EPM2A: variants seen among roughly 807,000 people sequenced by gnomAD.
The protein encoded by EPM2A is laforin.
Under a neutral mutation model 26.5 loss-of-function variants are expected in EPM2A, and 21 were observed. That is an observed-to-expected ratio of 0.79 (90% confidence interval 0.56 to 1.14). The LOEUF is 1.14. Among genes scored for constraint, EPM2A ranks in the 50% most tolerant of loss-of-function variants. The pLI, the probability that EPM2A is intolerant of heterozygous loss-of-function variation, is 0.00. For synonymous variants in EPM2A, 217 were observed against 177.6 expected (o/e 1.22, Z -1.76); for missense variants, 458 against 440.8 (o/e 1.04, Z -0.35).
chr6:145,487,760 T>A (rs775665891), intron 4 of EPM2A, among the ~76,000 whole-genome samples: 9 of 152,200 alleles, frequency 5.9e-5, no homozygotes, highest in South Asian at 2.1e-4. Context: ...TCTCCCATTC[T>A]GTAGGTTGTC....
chr6:145,543,021 A>T (rs1780535613), intron 2 of EPM2A, among the ~76,000 whole-genome samples: 1 of 123,376 alleles, frequency 8.1e-6, no homozygotes, highest in South Asian at 3.2e-4. Context: ...AGCCTCCCAA[A>T]GTGCTGGGAT....
At chr6:145,459,973 T>C (rs1779309097) in intron 4 of EPM2A, among the ~76,000 whole-genome samples, 1 of 152,168 alleles carries the variant, frequency 6.6e-6, no homozygotes. Flanking sequence ...GTATTTTAAT[T>C]AAGTTTGGTA....
At chr6:145,418,521 G>T (rs1440488127) in intron 4 of EPM2A, among the ~76,000 whole-genome samples, 1 of 152,192 alleles carries the variant, frequency 6.6e-6, no homozygotes, top group East Asian at 1.9e-4. Flanking sequence ...AAGCTTTGAA[G>T]ACTCTATTGG....
At chr6:145,524,209 A>G (rs1451922238) in intron 2 of EPM2A, among the ~76,000 whole-genome samples, 4 of 152,134 alleles carry the variant, frequency 2.6e-5, no homozygotes, top group Non-Finnish European at 5.9e-5. Context: ...ATCTAGGTTA[A>G]TATCTTTGCT....
chr6:145,478,373 A>G (rs1202244169), intron 4 of EPM2A, among the ~76,000 whole-genome samples: 2 of 151,964 alleles, frequency 1.3e-5, no homozygotes, highest in African/African-American at 4.8e-5. Context: ...TACAGATTCA[A>G]TGCAATCTCT....
intron 1 of EPM2A, among the ~76,000 whole-genome samples, chr6:145,712,419 C>T (rs1775386558): frequency 6.6e-6 from 1 of 152,002 alleles, no homozygotes; most frequent in Non-Finnish European, 1.5e-5. Flanking sequence ...AAATTTTAAA[C>T]AAATGAGATC....
intron 2 of EPM2A, among the ~76,000 whole-genome samples, chr6:145,594,925 C>T (rs1400447046): frequency 6.6e-6 from 1 of 151,642 alleles, no homozygotes; most frequent in African/African-American, 2.4e-5. Flanking sequence ...GAACTTTCTT[C>T]TGTAACATTT....
At chr6:145,444,688 AAC>A (rs1415292045) in intron 4 of EPM2A, among the ~76,000 whole-genome samples, 1 of 152,174 alleles carries the variant, frequency 6.6e-6, no homozygotes, top group Non-Finnish European at 1.5e-5. Context: ...CTTCCTCAAT[AAC>A]AGTTTCTGTT....
At chr6:145,668,422 C>T (rs1562466271) in intron 2 of EPM2A, among the ~76,000 whole-genome samples, 1 of 151,974 alleles carries the variant, frequency 6.6e-6, no homozygotes, top group Non-Finnish European at 1.5e-5. Context: ...GTTTCAGGTC[C>T]TTTTTATAAT....
At position 145,566,050 on chromosome 6, in the gene EPM2A, C is replaced by T. The variant is rs6906776; in HGVS notation, c.341-63475G>A. Among the ~76,000 whole-genome samples the T allele has an allele frequency of 1.8e-3, 278 of 152,200 alleles. 1 individual carries two copies. Among genetic ancestry groups the T allele is most frequent in the African/African-American group, 6.3e-3 (263 of 41,516 alleles). ...GAATGAATGAATGTAGTAGTAACTC[C>T]GTAACCCAAGTCAGCCTCTTCTTAG... On this transcript the variant is annotated intron_variant, in intron 2 of 3. Coordinates refer to the EPM2A transcript ENST00000450221.
At chr6:145,729,122 C>A (rs532653598) in intron 1 of EPM2A, among the ~76,000 whole-genome samples, 1 of 152,302 alleles carries the variant, frequency 6.6e-6, no homozygotes, top group South Asian at 2.1e-4. Context: ...GGAGCCTCCA[C>A]CTAGATTTCA....
At chr6:145,617,216 T>A (rs1481187943) in intron 2 of EPM2A, among the ~76,000 whole-genome samples, 1 of 152,144 alleles carries the variant, frequency 6.6e-6, no homozygotes, top group African/African-American at 2.4e-5. Context: ...CTGATGATTT[T>A]AAAAAGGGGA....
At chr6:145,447,810 AGG>A (rs1779145506) in intron 4 of EPM2A, among the ~76,000 whole-genome samples, 1 of 152,128 alleles carries the variant, frequency 6.6e-6, no homozygotes, top group African/African-American at 2.4e-5. Context: ...AAATACTCAG[AGG>A]AATAATTATT....
intron 2 of EPM2A, among the ~76,000 whole-genome samples, chr6:145,667,063 A>G (rs1323042155): frequency 3.9e-5 from 5 of 128,510 alleles, no homozygotes; most frequent in African/African-American, 1.4e-4. Flanking sequence ...TAAAAACCCT[A>G]GAAGAAAACC....
intron 2 of EPM2A, among the ~76,000 whole-genome samples, chr6:145,655,065 TTGTG>T (rs1490535490): frequency 6.6e-6 from 1 of 152,166 alleles, no homozygotes; most frequent in Admixed American, 6.5e-5. Flanking sequence ...TTTGTTGAAT[TTGTG>T]TGTGTGACCA....
At chr6:145,431,044 G>A (rs1328131961) in intron 4 of EPM2A, among the ~76,000 whole-genome samples, 1 of 152,038 alleles carries the variant, frequency 6.6e-6, no homozygotes, top group Non-Finnish European at 1.5e-5. Flanking sequence ...GCTGATTGTG[G>A]CCACTTAATT....
At chr6:145,670,633 G>C (rs1779573426) in intron 2 of EPM2A, among the ~76,000 whole-genome samples, 1 of 152,094 alleles carries the variant, frequency 6.6e-6, no homozygotes, top group Middle Eastern at 3.4e-3. Flanking sequence ...GCTTGCACTA[G>C]GCCCTATTAC....
At chr6:145,672,488 C>A (rs891892165) in intron 2 of EPM2A, among the ~76,000 whole-genome samples, 4 of 152,206 alleles carry the variant, frequency 2.6e-5, no homozygotes, top group Non-Finnish European at 5.9e-5. Context: ...GAATCTCCAA[C>A]AGGCTCAGAA....
At chr6:145,428,529 AATC>A (rs1454656173) in intron 4 of EPM2A, among the ~76,000 whole-genome samples, 2 of 152,170 alleles carry the variant, frequency 1.3e-5, no homozygotes, top group Non-Finnish European at 2.9e-5. Flanking sequence ...ATTGTAGGAG[AATC>A]ATCATCATAA....
Sources: gnomAD v4.1 joint callset for allele counts (sites outside exome capture counted in the v4.1 genomes callset) on GRCh38, gnomAD v4.1.1 for gene constraint, MANE v1.5 for transcripts, NCBI Gene and HGNC (gene_info 2026-07-23, HGNC 2026-07-21) for gene names.